ADCY9: variants seen among roughly 807,000 people sequenced by gnomAD.
The protein encoded by ADCY9 is adenylate cyclase type 9.
Under a neutral mutation model 101.5 loss-of-function variants are expected in ADCY9, and 50 were observed. The observed-to-expected ratio is 0.49, with a 90% confidence interval of 0.39 to 0.62. The LOEUF (loss-of-function observed/expected upper bound fraction) is 0.62, where lower values mean the gene tolerates loss of function less well. Ranked by LOEUF, ADCY9 falls within the 20% of genes least tolerant of loss-of-function variation. The pLI is 0.00. For missense variants in ADCY9, 1,662 were observed against 1,800.4 expected, an observed-to-expected ratio of 0.92 and a Z score of 1.39; for synonymous variants, 905 against 769.3, an observed-to-expected ratio of 1.18 and a Z score of -2.92.
At chr16:4,042,855 G>C (rs2056636516) in intron 2 of ADCY9, among the ~76,000 whole-genome samples, 1 of 152,184 alleles carries the variant, frequency 6.6e-6, no homozygotes, top group Non-Finnish European at 1.5e-5. Flanking sequence ...GTTTTGGTCT[G>C]CTAACTTATC....
At chr16:4,075,344 G>A (rs558138525) in intron 2 of ADCY9, among the ~76,000 whole-genome samples, 4 of 152,090 alleles carry the variant, frequency 2.6e-5, no homozygotes, top group Non-Finnish European at 4.4e-5. Context: ...TTGCCATGTT[G>A]GCCAGGCTAG....
chr16:3,995,765 G>A (rs1005284534), intron 3 of ADCY9, among the ~76,000 whole-genome samples: 2 of 152,122 alleles, frequency 1.3e-5, no homozygotes, highest in Non-Finnish European at 2.9e-5. Context: ...TTAGACTGCA[G>A]ACCTGTACTA....
chr16:4,018,793 C>G (rs1476189663), intron 2 of ADCY9, among the ~76,000 whole-genome samples: 1 of 152,160 alleles, frequency 6.6e-6, no homozygotes, highest in Non-Finnish European at 1.5e-5. Flanking sequence ...CACATGCAGA[C>G]TTGTTCGAGT....
At chr16:4,008,010 C>T (rs947975363) in intron 2 of ADCY9, among the ~76,000 whole-genome samples, 1 of 151,996 alleles carries the variant, frequency 6.6e-6, no homozygotes, top group South Asian at 2.1e-4. Flanking sequence ...ACCATCTTAC[C>T]TGTGTCAGAG....
chr16:4,047,198 A>G (rs2056670921), intron 2 of ADCY9, among the ~76,000 whole-genome samples: 1 of 152,224 alleles, frequency 6.6e-6, no homozygotes, highest in African/African-American at 2.4e-5. Flanking sequence ...ATTAGGATTT[A>G]TAAAGTAAAT....
At chr16:4,077,870 G>A (rs1395562248) in intron 2 of ADCY9, among the ~76,000 whole-genome samples, 2 of 150,614 alleles carry the variant, frequency 1.3e-5, no homozygotes, top group Non-Finnish European at 3.0e-5. Flanking sequence ...AGGCGTGGTG[G>A]TGCACACCTG....
intron 2 of ADCY9, among the ~76,000 whole-genome samples, chr16:4,086,891 C>T (rs35708815): frequency 1.3e-5 from 2 of 151,934 alleles, no homozygotes; most frequent in African/African-American, 2.4e-5. Flanking sequence ...AACCCCTGAC[C>T]TCAGGTGATC....
chr16:3,990,969 T>G (rs1316354489), intron 5 of ADCY9, among the ~76,000 whole-genome samples: 1 of 152,138 alleles, frequency 6.6e-6, no homozygotes, highest in African/African-American at 2.4e-5. Flanking sequence ...CCAGCTAATT[T>G]TTGTACTTTT....
At chr16:4,052,352 G>A (rs1044361137) in intron 2 of ADCY9, among the ~76,000 whole-genome samples, 3 of 152,136 alleles carry the variant, frequency 2.0e-5, no homozygotes, top group African/African-American at 4.8e-5. Context: ...TGGGCAGGTC[G>A]GTGCAGGCTA....
At chr16:4,055,060 G>C (rs1187662584) in intron 2 of ADCY9, among the ~76,000 whole-genome samples, 1 of 152,156 alleles carries the variant, frequency 6.6e-6, no homozygotes, top group Admixed American at 6.5e-5. Flanking sequence ...AAGAGGCAGA[G>C]AGCAGGGCCC....
chr16:4,103,452 A>T (rs1476023528), intron 2 of ADCY9, among the ~76,000 whole-genome samples: 1 of 152,242 alleles, frequency 6.6e-6, no homozygotes, highest in Non-Finnish European at 1.5e-5. Context: ...GTCCCGATGC[A>T]GGGAAACCAA....
At chr16:3,989,220 C>T (rs1022471490) in intron 5 of ADCY9, 124 bp from the exon 6 acceptor site, 16 of 689,202 alleles carry the variant, frequency 2.3e-5, no homozygotes, top group East Asian at 1.4e-4. Context: ...CGTCTAAAAG[C>T]GCCTGTGGAA....
At chr16:3,998,735 A>T (rs2141711485) in intron 3 of ADCY9, among the ~76,000 whole-genome samples, 1 of 119,464 alleles carries the variant, frequency 8.4e-6, no homozygotes, top group Admixed American at 9.5e-5. Flanking sequence ...AAAAAAAAAA[A>T]GAAAAGAAAG....
exon 6 of ADCY9, chr16:3,953,495 C>G (rs1052532857): frequency 2.6e-5 from 4 of 152,148 alleles, no homozygotes; most frequent in Non-Finnish European, 5.9e-5. Flanking sequence ...TGGAGTCTCC[C>G]TCTCCACAGG....
intron 2 of ADCY9, among the ~76,000 whole-genome samples, chr16:4,016,529 T>C (rs1226481708): frequency 6.6e-6 from 1 of 152,148 alleles, no homozygotes; most frequent in Non-Finnish European, 1.5e-5. Flanking sequence ...AGCTAACAGC[T>C]CATCCGTAGG....
In ADCY9 at chr16:4,034,705, C is replaced by G. The variant is rs373472424; in HGVS notation, c.1694-27147G>C. Among the ~76,000 whole-genome samples, 24 of 152,320 alleles carry G rather than the reference C, an allele frequency of 1.6e-4. 1 individual carries two copies. The highest frequency in any genetic ancestry group is 1.5e-3 in the East Asian group (8 of 5,186). On this transcript the variant is annotated intron_variant, in intron 2 of 10. Transcript: ENST00000294016. ...AAGCGCTGGGATTACAGGCATGAGC[C>G]ACTGCACCTGGCCCAAAGTCCTTTT...
chr16:3,986,615 A>G (rs1239458509), intron 6 of ADCY9, among the ~76,000 whole-genome samples: 1 of 151,770 alleles, frequency 6.6e-6, no homozygotes, highest in Non-Finnish European at 1.5e-5. Flanking sequence ...CCGCCACCAT[A>G]CCTGGCTAAG....
intron 2 of ADCY9, among the ~76,000 whole-genome samples, chr16:4,097,479 T>C (rs1280495683): frequency 0.074 from 3,947 of 53,358 alleles, 240 homozygotes; most frequent in African/African-American, 0.18. Context: ...TATATATATA[T>C]ATATATATAC....
chr16:4,035,607 C>T (rs553672145), intron 2 of ADCY9, among the ~76,000 whole-genome samples: 72 of 152,256 alleles, frequency 4.7e-4, no homozygotes, highest in Admixed American at 1.4e-3. Context: ...CACAGAGCTG[C>T]TTCTTGGTTT....
Sources: allele counts gnomAD v4.1 joint callset (sites outside exome capture counted in the v4.1 genomes callset), GRCh38; gene constraint gnomAD v4.1.1; transcripts MANE v1.5; gene names NCBI Gene and HGNC (gene_info 2026-07-23, HGNC 2026-07-21).